SPMIP11: variants seen among roughly 807,000 people sequenced by gnomAD.
The protein encoded by SPMIP11 is sperm microtubule inner protein 11, also known as long intergenic non-protein coding RNA 935.
the SPMIP11 span, among the ~76,000 whole-genome samples, chr12:48,736,631 A>G: frequency 1.3e-5 from 2 of 151,578 alleles, no homozygotes; most frequent in Non-Finnish European, 2.9e-5. Context: ...AGCCTGTTGC[A>G]TAATTATTGT....
the SPMIP11 span, among the ~76,000 whole-genome samples, chr12:48,764,636 GA>G: frequency 2.0e-5 from 3 of 152,158 alleles, no homozygotes; most frequent in African/African-American, 4.8e-5. Flanking sequence ...CTAGCAGCAG[GA>G]AGAACCAAGA....
At chr12:48,748,902 T>C in the SPMIP11 span, among the ~76,000 whole-genome samples, 4,018 of 152,218 alleles carry the variant, frequency 0.026, 187 homozygotes, top group African/African-American at 0.092. Flanking sequence ...TCCCATTTCT[T>C]TTTGCCTTCT....
chr12:48,771,123 G>A, the SPMIP11 span: 3 of 775,774 alleles, frequency 3.9e-6, no homozygotes, highest in Admixed American at 5.5e-5. The surrounding 1 kb of genome is among the most constrained non-coding windows in gnomAD (Gnocchi z 4.3). Context: ...AGACTGAGGA[G>A]CTGGGAAAAC....
the SPMIP11 span, chr12:48,765,064 A>C: frequency 1.5e-6 from 1 of 646,424 alleles, no homozygotes; most frequent in South Asian, 1.7e-5. Flanking sequence ...TAATTCTTAG[A>C]GATTATTTCA....
the SPMIP11 span, among the ~76,000 whole-genome samples, chr12:48,763,851 G>C: frequency 6.6e-6 from 1 of 151,810 alleles, no homozygotes; most frequent in Non-Finnish European, 1.5e-5. Context: ...GCTAATTTTT[G>C]TATTTTTAGT....
chr12:48,758,565 A>G, the SPMIP11 span, among the ~76,000 whole-genome samples: 1 of 152,240 alleles, frequency 6.6e-6, no homozygotes, highest in Non-Finnish European at 1.5e-5. Flanking sequence ...GAACTAGTCT[A>G]TTCAGCCTCT....
the SPMIP11 span, among the ~76,000 whole-genome samples, chr12:48,733,694 T>C: frequency 1.9e-4 from 29 of 151,212 alleles, no homozygotes; most frequent in Non-Finnish European, 3.4e-4. Flanking sequence ...AAGTATCCTC[T>C]GGGAGTCTTG....
chr12:48,748,540 A>G, the SPMIP11 span, among the ~76,000 whole-genome samples: 3 of 150,702 alleles, frequency 2.0e-5, no homozygotes, highest in Non-Finnish European at 2.9e-5. Context: ...CTTTAAATTC[A>G]TGATCACCAA....
chr12:48,764,986 C>T, the SPMIP11 span: 4 of 702,508 alleles, frequency 5.7e-6, no homozygotes, highest in East Asian at 5.4e-5. Context: ...ATAAAAAGCG[C>T]GATGACCAGG....
the SPMIP11 span, chr12:48,759,374 T>C: frequency 6.9e-3 from 4,862 of 700,340 alleles, 172 homozygotes; most frequent in African/African-American, 0.074. Context: ...GAAAAAAAGA[T>C]ATGTCTGAGT....
the SPMIP11 span, among the ~76,000 whole-genome samples, chr12:48,748,239 C>T: frequency 6.6e-6 from 1 of 152,190 alleles, no homozygotes; most frequent in Non-Finnish European, 1.5e-5. Flanking sequence ...CCCATCCCTT[C>T]TCATCTACTC....
the SPMIP11 span, among the ~76,000 whole-genome samples, chr12:48,740,293 TATA>T: frequency 2.6e-5 from 4 of 152,332 alleles, no homozygotes; most frequent in East Asian, 7.7e-4. Flanking sequence ...TTGTCTCTAC[TATA>T]ATATCTATTT....
the SPMIP11 span, among the ~76,000 whole-genome samples, chr12:48,740,595 C>T: frequency 3.3e-5 from 5 of 150,494 alleles, no homozygotes; most frequent in African/African-American, 9.8e-5. Context: ...TGGACTCAAG[C>T]GATTCTCCCA....
chr12:48,755,499 G>A, the SPMIP11 span, among the ~76,000 whole-genome samples: 5 of 152,000 alleles, frequency 3.3e-5, no homozygotes, highest in African/African-American at 7.3e-5. Flanking sequence ...CAAGCCCTTC[G>A]CCCTTCACCC....
chr12:48,743,447 T>C, the SPMIP11 span, among the ~76,000 whole-genome samples: 1 of 152,112 alleles, frequency 6.6e-6, no homozygotes, highest in Non-Finnish European at 1.5e-5. Context: ...TGCAGGTACA[T>C]GGTAAAACTA....
the SPMIP11 span, among the ~76,000 whole-genome samples, chr12:48,733,820 G>T: frequency 1.4e-5 from 2 of 143,234 alleles, no homozygotes; most frequent in African/African-American, 5.2e-5. Context: ...CGCCAGGCTG[G>T]AGTGCAGGGG....
At chr12:48,756,979 T>C in the SPMIP11 span, among the ~76,000 whole-genome samples, 231 of 152,160 alleles carry the variant, frequency 1.5e-3, no homozygotes, top group African/African-American at 5.4e-3. Context: ...TTTCACCATG[T>C]TGGCCAGGCT....
the SPMIP11 span, among the ~76,000 whole-genome samples, chr12:48,736,699 G>T: frequency 1.0e-3 from 150 of 144,360 alleles, 1 homozygote; most frequent in African/African-American, 3.6e-3. Flanking sequence ...TGGGTCGCAT[G>T]TTTTTTTTTT....
chr12:48,736,307 G>C, the SPMIP11 span: 1 of 233,176 alleles, frequency 4.3e-6, no homozygotes, highest in Non-Finnish European at 8.7e-6. Context: ...AGCTACTCTG[G>C]AGGCTGAGGT....
Sources: allele counts gnomAD v4.1 joint callset (sites outside exome capture counted in the v4.1 genomes callset), GRCh38; gene constraint gnomAD v4.1.1; non-coding constraint Gnocchi (gnomAD v3.1); transcripts MANE v1.5; gene names NCBI Gene and HGNC (gene_info 2026-07-23, HGNC 2026-07-21).